Variants in OXR1 observed in about 807,000 individuals in gnomAD.
OXR1 encodes oxidation resistance 1, also known as oxidation resistance protein 1.
OXR1 carries 41 observed loss-of-function variants against 104.6 expected under a neutral mutation model. The ratio of observed to expected loss-of-function variants is 0.39; its 90% CI spans 0.31 to 0.51. OXR1 has a LOEUF of 0.51. OXR1 is among the 20% of genes least tolerant of loss of function. The probability of loss-of-function intolerance (pLI) is 0.77; values close to 1 mark genes in which losing one functional copy is unlikely to be tolerated. For synonymous variants in OXR1, 348 were observed against 348.4 expected, an observed-to-expected ratio of 1.00 and a Z score of 0.01; for missense variants, 955 against 1,031.9, an observed-to-expected ratio of 0.93 and a Z score of 1.02.
At chr8:106,305,527 A>G (rs1311865666) in intron 1 of OXR1, among the ~76,000 whole-genome samples, 1 of 152,170 alleles carries the variant, frequency 6.6e-6, no homozygotes, top group African/African-American at 2.4e-5. Context: ...ATCTATTTGT[A>G]TTAACTTGGG....
intron 1 of OXR1, among the ~76,000 whole-genome samples, chr8:106,329,157 A>C (rs950893258): frequency 6.6e-6 from 1 of 151,496 alleles, no homozygotes; most frequent in East Asian, 1.9e-4. Flanking sequence ...ACGCCTGGCT[A>C]AGTTTTGTAT....
intron 3 of OXR1, among the ~76,000 whole-genome samples, chr8:106,559,677 TG>T (rs1816536539): frequency 6.6e-6 from 1 of 152,218 alleles, no homozygotes; most frequent in East Asian, 1.9e-4. Flanking sequence ...GTGAGGGTTT[TG>T]ACCCATAGAT....
intron 2 of OXR1, among the ~76,000 whole-genome samples, chr8:106,384,398 C>T (rs1302859453): frequency 6.6e-6 from 1 of 152,136 alleles, no homozygotes; most frequent in African/African-American, 2.4e-5. Context: ...TTCTTAATGA[C>T]AGTGCTGTGC....
intron 3 of OXR1, among the ~76,000 whole-genome samples, chr8:106,659,739 C>G (rs1399297971): frequency 6.6e-6 from 1 of 152,184 alleles, no homozygotes; most frequent in Non-Finnish European, 1.5e-5. Flanking sequence ...TCTGTAGTTC[C>G]AGCTACTCTG....
Position 106,606,422 on chromosome 8 carries a change from T to C in OXR1, c.221-72788T>C, listed in dbSNP as rs1482794981. Among the ~76,000 whole-genome samples, 6 of 151,496 alleles carry C rather than the reference T, an allele frequency of 4.0e-5. No homozygotes were observed. In the South Asian group the frequency reaches 1.3e-3, roughly 32 times the overall value. On this transcript the variant is annotated intron_variant, in intron 3 of 16. Coordinates refer to ENST00000517566, the MANE Select transcript of OXR1 (RefSeq NM_001198533.2). Reference sequence around the variant, plus strand: ...TCCAAGTGATTTTCCTTCCTCAGCCTCATTAGTAGCTGAGATTACAGGCAT... The same window carrying C: ...TCCAAGTGATTTTCCTTCCTCAGCCCCATTAGTAGCTGAGATTACAGGCAT...
chr8:106,542,540 C>T (rs780651059), intron 3 of OXR1, among the ~76,000 whole-genome samples: 12 of 152,080 alleles, frequency 7.9e-5, no homozygotes, highest in Non-Finnish European at 1.5e-4. Context: ...TATATATATG[C>T]ATATATCACA....
chr8:106,286,150 C>A lies in OXR1; in HGVS notation c.-139+15783C>A, dbSNP rs2047854. Among the ~76,000 whole-genome samples the A allele has an allele frequency of 7.9e-5, 12 of 152,122 alleles. No homozygotes were observed. The South Asian group carries it at 2.5e-3, about 32-fold the overall frequency. Reference sequence around the variant, plus strand: ...AAAACATGCTGTCTTTCTCATGGAGCTTACAAAGCTATTAGGATTCTTGCC... The same window carrying A: ...AAAACATGCTGTCTTTCTCATGGAGATTACAAAGCTATTAGGATTCTTGCC... On this transcript the variant is annotated intron_variant, in intron 1 of 16. Coordinates refer to ENST00000517566, the MANE Select transcript of OXR1 (RefSeq NM_001198533.2).
chr8:106,618,818 C>T (rs755844722), intron 3 of OXR1, among the ~76,000 whole-genome samples: 6 of 152,018 alleles, frequency 3.9e-5, no homozygotes, highest in Admixed American at 1.3e-4. Context: ...CGTTTTATTA[C>T]GTTACATTCT....
chr8:106,500,997 G>C (rs1811773023), intron 2 of OXR1, among the ~76,000 whole-genome samples: 1 of 152,202 alleles, frequency 6.6e-6, no homozygotes, highest in Admixed American at 6.5e-5. Flanking sequence ...ACAAATTGAA[G>C]TTGGGTGATC....
At chr8:106,552,475 T>C (rs779135149) in intron 3 of OXR1, among the ~76,000 whole-genome samples, 2 of 152,032 alleles carry the variant, frequency 1.3e-5, no homozygotes, top group Non-Finnish European at 2.9e-5. Context: ...TAAACTATTA[T>C]AACATTTAAA....
chr8:106,746,540 G>A (rs1366462679), intron 16 of OXR1, among the ~76,000 whole-genome samples: 1 of 152,142 alleles, frequency 6.6e-6, no homozygotes, highest in Non-Finnish European at 1.5e-5. Flanking sequence ...ATAATTTTCA[G>A]ACTTGTAAAA....
At chr8:106,513,912 G>A (rs1444002350) in intron 2 of OXR1, among the ~76,000 whole-genome samples, 1 of 152,126 alleles carries the variant, frequency 6.6e-6, no homozygotes, top group African/African-American at 2.4e-5. Context: ...CCATGCTGAA[G>A]GAAGGCATTG....
At chr8:106,727,602 T>C (rs192405689) in intron 11 of OXR1, among the ~76,000 whole-genome samples, 2 of 152,162 alleles carry the variant, frequency 1.3e-5, no homozygotes, top group Non-Finnish European at 1.5e-5. Context: ...GTATTTTTTA[T>C]AGAGACTAGG....
chr8:106,412,346 G>A (rs1487368660), intron 2 of OXR1, among the ~76,000 whole-genome samples: 1 of 152,096 alleles, frequency 6.6e-6, no homozygotes, highest in African/African-American at 2.4e-5. Flanking sequence ...GGGAAATTGT[G>A]TCTCTGGGCC....
intron 1 of OXR1, among the ~76,000 whole-genome samples, chr8:106,339,298 A>C (rs539022613): frequency 1.3e-5 from 2 of 151,252 alleles, no homozygotes; most frequent in Admixed American, 1.3e-4. Context: ...GATAGAGACC[A>C]TCCTGGCTAA....
chr8:106,685,531 T>G (rs923781714), intron 6 of OXR1, among the ~76,000 whole-genome samples: 1 of 152,064 alleles, frequency 6.6e-6, no homozygotes, highest in Non-Finnish European at 1.5e-5. Flanking sequence ...TGTGTGAAAA[T>G]GTACCCCTTC....
chr8:106,485,639 G>A (rs979766985), intron 2 of OXR1, among the ~76,000 whole-genome samples: 5 of 152,108 alleles, frequency 3.3e-5, no homozygotes, highest in East Asian at 1.9e-4. Flanking sequence ...CAAAGGATGC[G>A]AAATCAGTAT....
intron 2 of OXR1, among the ~76,000 whole-genome samples, chr8:106,496,051 C>T (rs577118453): frequency 1.3e-4 from 20 of 152,042 alleles, no homozygotes; most frequent in African/African-American, 4.8e-4. Flanking sequence ...AATTAAAAAA[C>T]GGACATTATT....
intron 1 of OXR1, among the ~76,000 whole-genome samples, chr8:106,332,689 A>C (rs772071161): frequency 3.3e-5 from 5 of 152,198 alleles, no homozygotes; most frequent in Non-Finnish European, 4.4e-5. Flanking sequence ...TAGTGTATTC[A>C]AAAAGCTCTG....
Sources: allele counts gnomAD v4.1 joint callset (sites outside exome capture counted in the v4.1 genomes callset), GRCh38; gene constraint gnomAD v4.1.1; transcripts MANE v1.5; gene names NCBI Gene and HGNC (gene_info 2026-07-23, HGNC 2026-07-21).